Variants in KCNT2 observed in about 807,000 individuals in gnomAD.
KCNT2 encodes the protein potassium sodium-activated channel subfamily T member 2, also known as potassium channel subfamily T member 2.
A neutral mutation model predicts 153.8 loss-of-function variants in KCNT2; 67 were observed. The ratio of observed to expected loss-of-function variants is 0.44; its 90% CI spans 0.36 to 0.53. The LOEUF (loss-of-function observed/expected upper bound fraction) is 0.53, where lower values mean the gene tolerates loss of function less well. Ranked by LOEUF, KCNT2 falls within the 20% of genes least tolerant of loss-of-function variation. The pLI, the probability that KCNT2 is intolerant of heterozygous loss-of-function variation, is 0.00. For synonymous variants in KCNT2, 500 were observed against 458.8 expected (o/e 1.09, Z -1.15); for missense variants, 975 against 1,354.8 (o/e 0.72, Z 4.40).
intron 8 of KCNT2, among the ~76,000 whole-genome samples, chr1:196,446,594 GAA>G (rs1675706320): frequency 6.6e-6 from 1 of 151,438 alleles, no homozygotes; most frequent in African/African-American, 2.4e-5. Flanking sequence ...CAACTTTGTG[GAA>G]GTTAAATAAG....
At chr1:196,465,616 C>T (rs1677544416) in intron 7 of KCNT2, among the ~76,000 whole-genome samples, 4 of 151,724 alleles carry the variant, frequency 2.6e-5, no homozygotes, top group Admixed American at 2.0e-4. Context: ...GGAAGACTAC[C>T]AAAGCACTAA....
rs1280679079 is a variant in KCNT2 at position 196,596,054 on chromosome 1, GTGTATATATATATATA to G, written c.95+12145_95+12160del. On this transcript the variant is annotated intron_variant, in intron 1 of 27. Transcript: ENST00000294725. The stretch of plus-strand genomic sequence containing the variant: ...TTATGGCTGAGTTGTATTCCATGAT[GTGTATATATATATATA>G]TATATATATATATATATATATATAT... 5.7e-4 allele frequency among the ~76,000 whole-genome samples: 79 copies of G among 138,558 alleles called. 5 individuals carry two copies. Among genetic ancestry groups the G allele is most frequent in the African/African-American group, 2.2e-3 (66 of 30,424 alleles). The allele number at this position is 138,558 out of a possible 152,430, so 90.9% of individuals were successfully genotyped here.
intron 8 of KCNT2, among the ~76,000 whole-genome samples, chr1:196,464,619 A>G (rs557878426): frequency 6.6e-6 from 1 of 152,050 alleles, no homozygotes; most frequent in Non-Finnish European, 1.5e-5. Context: ...TCCTGCAACA[A>G]AAACATATTA....
chr1:196,227,920 A>T lies in KCNT2; in HGVS notation c.*304T>A, dbSNP rs1261612278. 1 of 201,474 alleles carries T rather than the reference A, an allele frequency of 5.0e-6. No homozygotes were observed. The highest frequency in any genetic ancestry group is 1.0e-5 in the Non-Finnish European group (1 of 100,384). The allele number at this position is 201,474 out of a possible 1,614,324, so 12.5% of individuals were successfully genotyped here. The stretch of plus-strand genomic sequence containing the variant: ...TTTGTCAACTTCATAAAACCTTAAT[A>T]ATTTTTAAAATTGCTTTCATAGAGT... On this transcript the variant is annotated 3_prime_UTR_variant, in exon 28 of 28. Coordinates refer to ENST00000294725, the MANE Select transcript of KCNT2 (RefSeq NM_198503.5).
intron 25 of KCNT2, among the ~76,000 whole-genome samples, chr1:196,262,282 A>G (rs1440817132): frequency 6.6e-6 from 1 of 151,990 alleles, no homozygotes; most frequent in East Asian, 1.9e-4. Flanking sequence ...TGAGCAATCT[A>G]TAGAACAATG....
chr1:196,243,098 A>T (rs1181883667), intron 26 of KCNT2, among the ~76,000 whole-genome samples: 1 of 152,146 alleles, frequency 6.6e-6, no homozygotes. Flanking sequence ...ACTTCTAGCA[A>T]TCACTGATTT....
At chr1:196,379,565 TTCTCTCTCTCTCTCTCTCTC>T (rs67709356) in intron 13 of KCNT2, among the ~76,000 whole-genome samples, 10 of 136,250 alleles carry the variant, frequency 7.3e-5, no homozygotes, top group South Asian at 5.2e-4. Context: ...CAGTGAGACT[TTCTCTCTCTCTCTCTCTCTC>T]TCTCTCTCTC....
intron 12 of KCNT2, among the ~76,000 whole-genome samples, chr1:196,400,893 T>C (rs1328301838): frequency 6.6e-6 from 1 of 151,782 alleles, no homozygotes; most frequent in Non-Finnish European, 1.5e-5. Flanking sequence ...CATGTTATAA[T>C]TTCCCTGTTT....
intron 26 of KCNT2, among the ~76,000 whole-genome samples, chr1:196,246,741 C>A (rs1655481569): frequency 6.6e-6 from 1 of 151,804 alleles, no homozygotes; most frequent in Non-Finnish European, 1.5e-5. Flanking sequence ...ATTTTGCCAG[C>A]CTCATGGTAT....
chr1:196,252,773 A>C (rs1656095326), intron 26 of KCNT2, among the ~76,000 whole-genome samples: 1 of 151,322 alleles, frequency 6.6e-6, no homozygotes, highest in African/African-American at 2.4e-5. Context: ...CAAATTCAGC[A>C]TTTGTTTGTC....
chr1:196,432,936 C>G (rs966768726), intron 8 of KCNT2, among the ~76,000 whole-genome samples: 1 of 152,024 alleles, frequency 6.6e-6, no homozygotes, highest in African/African-American at 2.4e-5. Flanking sequence ...TGTGTCCCCT[C>G]CAAAATTCAC....
chr1:196,333,533 T>C (rs1012190655), intron 17 of KCNT2, among the ~76,000 whole-genome samples: 2 of 152,090 alleles, frequency 1.3e-5, no homozygotes, highest in Non-Finnish European at 2.9e-5. Context: ...ATAAAAACCA[T>C]ACAATTATGA....
intron 1 of KCNT2, among the ~76,000 whole-genome samples, chr1:196,568,890 G>A (rs1008478232): frequency 6.6e-6 from 1 of 151,914 alleles, no homozygotes; most frequent in Non-Finnish European, 1.5e-5. Flanking sequence ...AAAATTCATA[G>A]CTGTTGGTTC....
chr1:196,355,463 C>A (rs1462524070), intron 14 of KCNT2, among the ~76,000 whole-genome samples: 1 of 151,506 alleles, frequency 6.6e-6, no homozygotes, highest in Non-Finnish European at 1.5e-5. Flanking sequence ...TAGGAAAATG[C>A]TAAATAGTTT....
intron 22 of KCNT2, among the ~76,000 whole-genome samples, chr1:196,296,290 T>C (rs1250439473): frequency 6.6e-6 from 1 of 151,744 alleles, no homozygotes; most frequent in Non-Finnish European, 1.5e-5. Context: ...TTACAAAAAA[T>C]GAAATAGTCA....
chr1:196,370,189 G>A (rs914859175), intron 14 of KCNT2, among the ~76,000 whole-genome samples: 2 of 152,006 alleles, frequency 1.3e-5, no homozygotes, highest in Non-Finnish European at 2.9e-5. Context: ...ACTTATTTTT[G>A]ACAAGATTGC....
intron 27 of KCNT2, among the ~76,000 whole-genome samples, chr1:196,235,662 C>T (rs183108865): frequency 2.2e-4 from 33 of 151,534 alleles, no homozygotes; most frequent in Admixed American, 2.1e-3. Context: ...GTATTTAGAA[C>T]TAGACAGTGT....
rs74133642 is a variant in KCNT2 at position 196,257,847 on chromosome 1, G to A, written c.3211+347C>T. 4,781 of 985,000 alleles carry A rather than the reference G, an allele frequency of 4.9e-3. 164 individuals are homozygous for A. The African/African-American group carries it at 0.076, about 16-fold the overall frequency. The allele number at this position is 985,000 out of a possible 1,614,324, so 61.0% of individuals were successfully genotyped here. A position where few individuals can be genotyped will look rare whatever the true frequency, so the allele number is the denominator to read the frequency against. On this transcript the variant is annotated intron_variant, in intron 26 of 27. Coordinates refer to ENST00000294725, the MANE Select transcript of KCNT2 (RefSeq NM_198503.5). ...AATGCCTCAAATTCATTTTATCTCA[G>A]GCACTAGAATAAGATGATAATTAGA...
intron 1 of KCNT2, among the ~76,000 whole-genome samples, chr1:196,569,929 G>T (rs1395571715): frequency 1.3e-5 from 2 of 152,016 alleles, no homozygotes; most frequent in Non-Finnish European, 2.9e-5. Context: ...ACTTCTAGGG[G>T]TGAAGAAAGG....
Sources: allele counts gnomAD v4.1 joint callset (sites outside exome capture counted in the v4.1 genomes callset), GRCh38; gene constraint gnomAD v4.1.1; transcripts MANE v1.5; gene names NCBI Gene and HGNC (gene_info 2026-07-23, HGNC 2026-07-21).